TTYH3: variants seen among roughly 807,000 people sequenced by gnomAD.
The protein encoded by TTYH3 is protein tweety homolog 3.
Under a neutral mutation model 68.2 loss-of-function variants are expected in TTYH3, and 23 were observed. That is an observed-to-expected ratio of 0.34 (90% CI 0.24 to 0.48). The LOEUF (loss-of-function observed/expected upper bound fraction) is 0.48. TTYH3 is among the 20% of genes least tolerant of loss of function. TTYH3 has a pLI of 0.99. For missense variants in TTYH3, 768 were observed against 727.7 expected (o/e 1.06, Z -0.64); for synonymous variants, 360 against 332.8 (o/e 1.08, Z -0.89).
At chr7:2,654,770 T>G (rs1036190589) in intron 9 of TTYH3, among the ~76,000 whole-genome samples, 2 of 152,150 alleles carry the variant, frequency 1.3e-5, no homozygotes, top group Non-Finnish European at 2.9e-5. Context: ...CTTGATCTCC[T>G]CTTCTTTTTT....
chr7:2,638,006 C>T (rs1379025930), intron 1 of TTYH3, among the ~76,000 whole-genome samples: 1 of 152,220 alleles, frequency 6.6e-6, no homozygotes, highest in Non-Finnish European at 1.5e-5. Context: ...TTCTGCCCCC[C>T]TCGGGCCTGT....
rs1395879337 is a variant in TTYH3, at chr7:2,658,272, G to A, written c.1251-14G>A. 4 of 1,543,922 alleles carry A rather than the reference G, an allele frequency of 2.6e-6. No homozygotes were observed. Among genetic ancestry groups the A allele is most frequent in the Non-Finnish European group, 2.6e-6 (3 of 1,140,934 alleles). On this transcript the variant is annotated splice_polypyrimidine_tract_variant and intron_variant, in intron 11 of 13. Coordinates refer to ENST00000258796, the MANE Select transcript of TTYH3 (RefSeq NM_025250.3). ...GCTGGGGCCTGAGCCCGTGCTGCGT[G>A]TCCCTCCTCACAGAGGCCCTGATGA...
intron 1 of TTYH3, among the ~76,000 whole-genome samples, chr7:2,632,861 C>A (rs990792230): frequency 6.6e-6 from 1 of 152,250 alleles, no homozygotes. Flanking sequence ...GTAATGACCC[C>A]CTGCTTGGCG....
rs570109750 is a variant in TTYH3 at position 2,653,175 on chromosome 7, T to TC, written c.1020+170dup. ...TGGCATGGGAGGTGTTCCTCTTCCC[T>TC]CCCCCAGCCCTTTCCGCGTTAGGCC... is the stretch of plus-strand genomic sequence containing the variant. On this transcript the variant is annotated intron_variant, in intron 9 of 13. Coordinates refer to ENST00000258796, the MANE Select transcript of TTYH3 (RefSeq NM_025250.3). Among the ~76,000 whole-genome samples the TC allele has an allele frequency of 1.1e-4, 16 of 152,190 alleles. No homozygotes were observed. In the South Asian group the frequency reaches 2.9e-3, roughly 28 times the overall value.
intron 1 of TTYH3, among the ~76,000 whole-genome samples, chr7:2,636,518 T>C (rs1785660516): frequency 6.6e-6 from 1 of 152,142 alleles, no homozygotes; most frequent in Non-Finnish European, 1.5e-5. Flanking sequence ...CAGGATTCTG[T>C]ACCTACAGAT....
intron 1 of TTYH3, among the ~76,000 whole-genome samples, chr7:2,633,835 A>G (rs1785588477): frequency 6.6e-6 from 1 of 152,184 alleles, no homozygotes; most frequent in Non-Finnish European, 1.5e-5. Context: ...TGCCAGCCAC[A>G]GTTGGACTTC....
rs1156966151 is a variant in TTYH3 at position 2,664,522 on chromosome 7, CCCCGGCCTGGGCAT to C, written c.*2785_*2798del. On this transcript the variant is annotated 3_prime_UTR_variant, in exon 14 of 14. Transcript: ENST00000258796. ...TAAGACTCAGCCTCCTGGTTTACCC[CCCCGGCCTGGGCAT>C]CTGACCTCCCCCACCCCAGTGTGAT... The C allele has an allele frequency of 2.6e-5, 4 of 151,490 alleles. No individual in the cohort carries two copies. 9.4% of individuals were successfully genotyped at this position (151,490 alleles called of 1,614,324 possible).
chr7:2,632,725 G>A (rs535039769), intron 1 of TTYH3, among the ~76,000 whole-genome samples: 36 of 152,350 alleles, frequency 2.4e-4, no homozygotes, highest in Admixed American at 2.2e-3. Context: ...AGATCAGAGC[G>A]GGTGCCTGAG....
chr7:2,636,549 G>A (rs1785661272), intron 1 of TTYH3, among the ~76,000 whole-genome samples: 3 of 152,194 alleles, frequency 2.0e-5, no homozygotes, highest in South Asian at 2.1e-4. Context: ...GGCCAGACAC[G>A]GAGGCCCCCG....
chr7:2,652,588 A>G (rs1786216177), intron 8 of TTYH3, among the ~76,000 whole-genome samples: 1 of 152,134 alleles, frequency 6.6e-6, no homozygotes, highest in Admixed American at 6.5e-5. Flanking sequence ...GAGTTTGAAG[A>G]GGTCGGCCGC....
intron 6 of TTYH3, 26 bp downstream of exon 6, chr7:2,649,665 C>T: frequency 6.3e-7 from 1 of 1,585,022 alleles, no homozygotes; most frequent in Non-Finnish European, 8.5e-7. Flanking sequence ...GGTGAGGTCC[C>T]CGGCTGCTGG....
At chr7:2,640,434 G>A (rs1399655575) in intron 1 of TTYH3, among the ~76,000 whole-genome samples, 3 of 152,064 alleles carry the variant, frequency 2.0e-5, no homozygotes. Flanking sequence ...TAGGCCGGCC[G>A]TGACTTGCTG....
At chr7:2,632,633 G>A (rs546885335) in intron 1 of TTYH3, among the ~76,000 whole-genome samples, 4 of 152,306 alleles carry the variant, frequency 2.6e-5, no homozygotes, top group East Asian at 3.9e-4. Context: ...CTTGGCCAGT[G>A]GAGGGCCTCT....
chr7:2,655,960 C>T lies in TTYH3; in HGVS notation c.1021-132C>T, dbSNP rs1786320864. 17 of 712,686 alleles carry T rather than the reference C, an allele frequency of 2.4e-5. 1 individual carries two copies. In the South Asian group the frequency reaches 3.2e-4, roughly 14 times the overall value. The allele number at this position is 712,686 out of a possible 1,614,324, so 44.1% of individuals were successfully genotyped here. On this transcript the variant is annotated intron_variant, in intron 9 of 13. Coordinates refer to ENST00000258796, the MANE Select transcript of TTYH3 (RefSeq NM_025250.3). Reference sequence around the variant, plus strand: ...TGTCCTCAGGACCTGCACTGAGACCCCAGGGTGGGGGGTATCTCAGTCGAA... The same window carrying T: ...TGTCCTCAGGACCTGCACTGAGACCTCAGGGTGGGGGGTATCTCAGTCGAA...
intron 13 of TTYH3, among the ~76,000 whole-genome samples, chr7:2,661,021 G>A (rs191678427): frequency 4.6e-5 from 7 of 152,288 alleles, no homozygotes; most frequent in East Asian, 1.9e-4. Context: ...CCCTGCAGCC[G>A]CCTCTGTTCC....
In TTYH3 at chr7:2,649,479, C is replaced by T. The variant is rs10277035; in HGVS notation, c.723-88C>T. The T allele has an allele frequency of 5.1e-3, 6,898 of 1,348,932 alleles. 249 individuals carry two copies. The African/African-American group carries it at 0.081, about 16-fold the overall frequency. 83.6% of individuals were successfully genotyped at this position (1,348,932 alleles called of 1,614,324 possible). ...TGTGTGGGCTGACCCCTGATGTGCA[C>T]TGGGACCTGCCTTCTGGCCTGCAGC... is the stretch of plus-strand genomic sequence containing the variant. On this transcript the variant is annotated intron_variant, in intron 5 of 13. Transcript: ENST00000258796.
At chr7:2,659,256 C>T (rs571897701) in intron 13 of TTYH3, among the ~76,000 whole-genome samples, 5 of 152,154 alleles carry the variant, frequency 3.3e-5, no homozygotes, top group Non-Finnish European at 5.9e-5. Context: ...TTGGAGTGTC[C>T]TGGGGCCAGA....
At chr7:2,651,328 G>A (rs996396113) in intron 7 of TTYH3, among the ~76,000 whole-genome samples, 1 of 152,140 alleles carries the variant, frequency 6.6e-6, no homozygotes, top group African/African-American at 2.4e-5. Flanking sequence ...TTTGTTGAAG[G>A]AACCACTTCC....
chr7:2,634,488 A>T (rs546789804), intron 1 of TTYH3, among the ~76,000 whole-genome samples: 3 of 146,744 alleles, frequency 2.0e-5, no homozygotes, highest in Non-Finnish European at 4.5e-5. Flanking sequence ...GCTCCCTCTT[A>T]GCTGTCTCTG....
Sources: gnomAD v4.1 joint callset for allele counts (sites outside exome capture counted in the v4.1 genomes callset) on GRCh38, gnomAD v4.1.1 for gene constraint, MANE v1.5 for transcripts, NCBI Gene and HGNC (gene_info 2026-07-23, HGNC 2026-07-21) for gene names.